EMC7: variants seen among roughly 807,000 people sequenced by gnomAD.
The protein encoded by EMC7 is ER membrane protein complex subunit 7, also known as endoplasmic reticulum membrane protein complex subunit 7.
Under a neutral mutation model 24.4 loss-of-function variants are expected in EMC7, and 4 were observed. That is an observed-to-expected ratio of 0.16 (90% CI 0.08 to 0.38). EMC7 has a LOEUF of 0.38. Among genes scored for constraint, EMC7 ranks in the 10% least tolerant of loss-of-function variants. The probability of loss-of-function intolerance (pLI) is 1.00; values close to 1 mark genes in which losing one functional copy is unlikely to be tolerated. For synonymous variants in EMC7, 106 were observed against 112.0 expected (o/e 0.95, Z 0.34); for missense variants, 221 against 300.6 (o/e 0.74, Z 1.96).
chr15:34,101,138 T>G (rs1288766267), intron 1 of EMC7: 1 of 153,854 alleles, frequency 6.5e-6, no homozygotes, highest in African/African-American at 2.4e-5. Flanking sequence ...CCAGTCTATG[T>G]CGTCACTAGA....
Position 34,086,013 on chromosome 15 carries a change from T to C in EMC7, c.577-1527A>G, listed in dbSNP as rs1014019216. 39 of 274,578 alleles carry C rather than the reference T, an allele frequency of 1.4e-4. No individual in the cohort carries two copies. The Admixed American group carries it at 1.5e-3, about 11-fold the overall frequency. 17.0% of individuals were successfully genotyped at this position (274,578 alleles called of 1,614,324 possible). ...TTTGTGGTTCTTGGAGGAAACACTG[T>C]GAGTAATCTCAGCACGGTAACATTT... On this transcript the variant is annotated intron_variant, in intron 4 of 4. Coordinates refer to ENST00000256545, the MANE Select transcript of EMC7 (RefSeq NM_020154.3).
chr15:34,084,626 A>G, intron 4 of EMC7, 140 bp from the exon 5 acceptor site: 1 of 797,898 alleles, frequency 1.3e-6, no homozygotes, highest in Admixed American at 2.7e-5. Context: ...CATACTCAGT[A>G]GTACTTCACC....
chr15:34,090,533 T>A, intron 2 of EMC7, 78 bp from the exon 3 acceptor site: 4 of 1,428,404 alleles, frequency 2.8e-6, no homozygotes, highest in Non-Finnish European at 3.8e-6. Flanking sequence ...TATATTATAT[T>A]AGCAATGCCT....
chr15:34,096,731 T>G (rs956793888), intron 1 of EMC7, among the ~76,000 whole-genome samples: 2 of 151,716 alleles, frequency 1.3e-5, no homozygotes, highest in Non-Finnish European at 2.9e-5. Context: ...CTGCCGCCTG[T>G]AATCCCAGCA....
At chr15:34,088,214 G>T in intron 3 of EMC7, 81 bp from the exon 4 acceptor site, 1 of 1,190,212 alleles carries the variant, frequency 8.4e-7, no homozygotes, top group Non-Finnish European at 1.2e-6. Context: ...ACAACCAATG[G>T]TAAAATTAAA....
At chr15:34,089,729 G>A (rs1279792934) in intron 3 of EMC7, among the ~76,000 whole-genome samples, 1 of 152,166 alleles carries the variant, frequency 6.6e-6, no homozygotes, top group African/African-American at 2.4e-5. Context: ...GGCCGAGGCG[G>A]GCAGATCACC....
chr15:34,097,098 A>G (rs1901085994), intron 1 of EMC7, among the ~76,000 whole-genome samples: 1 of 118,898 alleles, frequency 8.4e-6, no homozygotes, highest in African/African-American at 3.2e-5. Flanking sequence ...CAGTGGCCCT[A>G]TCTCGGCTCA....
At chr15:34,089,904 C>T (rs901613291) in intron 3 of EMC7, among the ~76,000 whole-genome samples, 1 of 152,088 alleles carries the variant, frequency 6.6e-6, no homozygotes, top group Non-Finnish European at 1.5e-5. Context: ...TGTGGTGAGC[C>T]GAGATCGCAC....
chr15:34,092,261 T>TCTCACACA (rs1555523197), intron 2 of EMC7, among the ~76,000 whole-genome samples: 2 of 141,564 alleles, frequency 1.4e-5, no homozygotes, highest in Non-Finnish European at 3.1e-5. Context: ...TGAGACTCCG[T>TCTCACACA]CACACACACA....
chr15:34,095,864 T>A (rs771428899), intron 2 of EMC7, 31 bp downstream of exon 2: 1 of 1,577,800 alleles, frequency 6.3e-7, no homozygotes, highest in Admixed American at 1.7e-5. Flanking sequence ...GTAGCCTAGC[T>A]TTTGGCAAAA....
intron 2 of EMC7, 118 bp downstream of exon 2, chr15:34,095,777 G>A: frequency 1.0e-6 from 1 of 963,508 alleles, no homozygotes; most frequent in Non-Finnish European, 1.4e-6. Flanking sequence ...GTGTTTTAAG[G>A]AATAGCTGTA....
chr15:34,096,782 G>GT (rs1422085255), intron 1 of EMC7, among the ~76,000 whole-genome samples: 1 of 151,838 alleles, frequency 6.6e-6, no homozygotes, highest in East Asian at 2.0e-4. Context: ...GAGGTTGGGA[G>GT]TTAGAGACCA....
At position 34,088,082 on chromosome 15, in the gene EMC7, C is replaced by T; in HGVS notation, c.547G>A (p.Val183Ile). 6.2e-7 allele frequency: 1 copy of T among 1,612,464 alleles called. No individual in the cohort carries two copies. Among genetic ancestry groups the T allele is most frequent in the Non-Finnish European group, 8.5e-7 (1 of 1,179,500 alleles). ...LLIFVLLPKV[V>I]NTSDPDMRRE... ...CTCATGTCAGGATCACTTGTGTTGA[C>T]CACTTTAGGCAGAAGCACAAATATC... Residue 183 changes from valine to isoleucine, a missense_variant, in exon 4 of 5, where the codon GTC becomes ATC. This residue lies in a region of EMC7 where 65 missense variants were observed against 123.4 expected (regional missense o/e 0.53). Coordinates refer to ENST00000256545, the MANE Select transcript of EMC7 (RefSeq NM_020154.3).
chr15:34,097,013 G>A (rs1268921913), intron 1 of EMC7, among the ~76,000 whole-genome samples: 1 of 143,198 alleles, frequency 7.0e-6, no homozygotes. Flanking sequence ...GTTTTAACTT[G>A]CAATTTTTGG....
intron 4 of EMC7, among the ~76,000 whole-genome samples, chr15:34,085,437 T>A (rs1202236635): frequency 2.6e-5 from 4 of 152,158 alleles, no homozygotes; most frequent in Non-Finnish European, 5.9e-5. Context: ...TTTAGTTCAT[T>A]CATACATGAA....
chr15:34,098,636 T>C (rs1233042622), intron 1 of EMC7, among the ~76,000 whole-genome samples: 3 of 150,326 alleles, frequency 2.0e-5, no homozygotes, highest in African/African-American at 7.3e-5. Flanking sequence ...TTTTTTTTTT[T>C]TTTTGTATTT....
At chr15:34,096,490 T>C (rs1203399175) in intron 1 of EMC7, among the ~76,000 whole-genome samples, 7 of 151,980 alleles carry the variant, frequency 4.6e-5, no homozygotes, top group Admixed American at 4.6e-4. Flanking sequence ...ATAATTACAC[T>C]GAATAGGTTC....
Position 34,092,405 on chromosome 15 carries a change from G to T in EMC7, c.357-1950C>A, listed in dbSNP as rs1024452180. On this transcript the variant is annotated intron_variant, in intron 2 of 4. Coordinates refer to ENST00000256545, the MANE Select transcript of EMC7 (RefSeq NM_020154.3). ...GCTCTGAAGCCCAGGCTGAAGTGTA[G>T]TGGCGCAATCTCGGCTCACTGCAAC... Among the ~76,000 whole-genome samples, 23 of 152,258 alleles carry T rather than the reference G, an allele frequency of 1.5e-4. No homozygotes were observed. In the East Asian group the frequency reaches 3.7e-3, roughly 24 times the overall value.
At chr15:34,087,884 G>T (rs1181804752) in intron 4 of EMC7, among the ~76,000 whole-genome samples, 169 bp downstream of exon 4, 1 of 152,090 alleles carries the variant, frequency 6.6e-6, no homozygotes, top group African/African-American at 2.4e-5. Context: ...GGCCAGGCAT[G>T]GTGCCTCGGA....
Sources: allele counts gnomAD v4.1 joint callset (sites outside exome capture counted in the v4.1 genomes callset), GRCh38; gene constraint gnomAD v4.1.1; regional missense constraint gnomAD v4.1.1; transcripts MANE v1.5; gene names NCBI Gene and HGNC (gene_info 2026-07-23, HGNC 2026-07-21).